Variants in INTS15 observed in about 807,000 individuals in gnomAD.
INTS15 encodes uncharacterized protein C7orf26.
the INTS15 span, chr7:6,590,226 TC>T: frequency 4.3e-6 from 6 of 1,394,744 alleles, no homozygotes; most frequent in South Asian, 1.5e-5. Context: ...AGCGGCGCAG[TC>T]CCGGGCCCCG....
At chr7:6,597,071 G>C in the INTS15 span, among the ~76,000 whole-genome samples, 3 of 152,212 alleles carry the variant, frequency 2.0e-5, no homozygotes, top group African/African-American at 4.8e-5. Flanking sequence ...GAGCCACTGT[G>C]CCAGCTGCAT....
the INTS15 span, chr7:6,600,156 T>C: frequency 1.2e-6 from 2 of 1,614,238 alleles, no homozygotes; most frequent in Non-Finnish European, 1.7e-6. Context: ...ACGCTGCAGC[T>C]GCACCTGACC....
chr7:6,591,858 C>G, the INTS15 span: 3 of 1,613,942 alleles, frequency 1.9e-6, no homozygotes, highest in East Asian at 6.7e-5. Context: ...GTGCTGCCTC[C>G]TGGCTTCAGG....
chr7:6,602,103 G>T, the INTS15 span: 1 of 1,613,224 alleles, frequency 6.2e-7, no homozygotes, highest in South Asian at 1.1e-5. Flanking sequence ...AATTGCAGAT[G>T]ACCTGAGAAC....
the INTS15 span, chr7:6,590,506 C>G: frequency 2.0e-6 from 3 of 1,523,196 alleles, no homozygotes; most frequent in Admixed American, 6.3e-5. Context: ...GTTCCCGGGC[C>G]CCGCAGGCGG....
chr7:6,607,525 T>G, the INTS15 span: 1 of 1,311,444 alleles, frequency 7.6e-7, no homozygotes, highest in Non-Finnish European at 1.0e-6. The surrounding 1 kb of genome is among the most constrained non-coding windows in gnomAD (Gnocchi z 6.0). Context: ...CCGGACTCAT[T>G]CTGAATTTCA....
the INTS15 span, among the ~76,000 whole-genome samples, chr7:6,598,617 G>A: frequency 2.3e-4 from 35 of 152,120 alleles, no homozygotes; most frequent in African/African-American, 8.2e-4. Context: ...AGAGGGGGCT[G>A]AGGACGCCCT....
chr7:6,607,311 G>A, the INTS15 span, among the ~76,000 whole-genome samples: 1 of 152,054 alleles, frequency 6.6e-6, no homozygotes, highest in Non-Finnish European at 1.5e-5. This position sits in a 1 kb window ranked among gnomAD's most constrained non-coding sequence, Gnocchi z 6.0. Flanking sequence ...GGGGCCCGGA[G>A]GCCTTGGTGG....
chr7:6,593,899 C>T, the INTS15 span, among the ~76,000 whole-genome samples: 1 of 152,114 alleles, frequency 6.6e-6, no homozygotes, highest in Non-Finnish European at 1.5e-5. Context: ...GATCCTCCCG[C>T]CTCGGCCTCC....
At chr7:6,607,950 G>A in the INTS15 span, 11 of 1,598,794 alleles carry the variant, frequency 6.9e-6, no homozygotes, top group African/African-American at 4.0e-5. The surrounding 1 kb of genome is among the most constrained non-coding windows in gnomAD (Gnocchi z 6.0). Context: ...GCTTATGCTT[G>A]TGTTCGCAGC....
the INTS15 span, chr7:6,591,534 G>A: frequency 4.4e-6 from 4 of 908,444 alleles, no homozygotes; most frequent in Non-Finnish European, 7.0e-6. Flanking sequence ...AAAGTGCTGG[G>A]ATTACAGGCA....
the INTS15 span, chr7:6,600,282 T>C: frequency 5.6e-6 from 9 of 1,614,200 alleles, no homozygotes; most frequent in Admixed American, 1.7e-5. Flanking sequence ...TCCCAGGAGA[T>C]TGAGCTCTCG....
chr7:6,607,178 TCTTTCAG>T, the INTS15 span, among the ~76,000 whole-genome samples: 1 of 152,128 alleles, frequency 6.6e-6, no homozygotes, highest in East Asian at 1.9e-4. This position sits in a 1 kb window ranked among gnomAD's most constrained non-coding sequence, Gnocchi z 6.0. Flanking sequence ...CGTGAGAAAC[TCTTTCAG>T]GAGTCTGGGA....
the INTS15 span, chr7:6,607,905 C>T: frequency 1.9e-6 from 3 of 1,590,174 alleles, no homozygotes; most frequent in Non-Finnish European, 2.6e-6. This position sits in a 1 kb window ranked among gnomAD's most constrained non-coding sequence, Gnocchi z 6.0. Context: ...CTACCGTGCG[C>T]ACCTGCGGAG....
the INTS15 span, among the ~76,000 whole-genome samples, chr7:6,600,541 A>G: frequency 5.9e-5 from 9 of 152,128 alleles, no homozygotes; most frequent in Non-Finnish European, 8.8e-5. Context: ...TCACCCCGTC[A>G]GGGTCCTAAC....
At chr7:6,608,449 G>A in the INTS15 span, 6 of 1,294,904 alleles carry the variant, frequency 4.6e-6, no homozygotes, top group Non-Finnish European at 5.9e-6. Flanking sequence ...TTCAGACACA[G>A]CCTGTGTGGC....
the INTS15 span, chr7:6,608,119 C>G: frequency 1.3e-6 from 2 of 1,569,200 alleles, no homozygotes; most frequent in East Asian, 2.3e-5. Context: ...CCGGCCACAC[C>G]TTCATCTCCG....
chr7:6,605,650 C>T, the INTS15 span, among the ~76,000 whole-genome samples: 49,634 of 151,964 alleles, frequency 0.33, 9,796 homozygotes, highest in Non-Finnish European at 0.46. Context: ...GCAGGCCTGG[C>T]ACTGCTGTTG....
chr7:6,603,689 G>A, the INTS15 span, among the ~76,000 whole-genome samples: 1 of 149,396 alleles, frequency 6.7e-6, no homozygotes, highest in Non-Finnish European at 1.5e-5. Flanking sequence ...AAATACAAAA[G>A]TTAGCCAGGC....
Sources: allele counts gnomAD v4.1 joint callset (sites outside exome capture counted in the v4.1 genomes callset), GRCh38; gene constraint gnomAD v4.1.1; non-coding constraint Gnocchi (gnomAD v3.1); transcripts MANE v1.5; gene names NCBI Gene and HGNC (gene_info 2026-07-23, HGNC 2026-07-21).